Variants in TK2 observed in about 807,000 individuals in gnomAD.
The protein encoded by TK2 is thymidine kinase 2, also known as thymidine kinase 2, mitochondrial.
Under a neutral mutation model 41.9 loss-of-function variants are expected in TK2, and 35 were observed. The observed-to-expected ratio is 0.84, with a 90% CI of 0.64 to 1.11. The LOEUF is 1.11. TK2 is among the 50% of genes least tolerant of loss of function. The pLI is 0.00. For synonymous variants in TK2, 128 were observed against 129.1 expected, an observed-to-expected ratio of 0.99 and a Z score of 0.06; for missense variants, 320 against 351.1, an observed-to-expected ratio of 0.91 and a Z score of 0.71.
chr16:66,516,031 A>G (rs983284228), intron 8 of TK2, among the ~76,000 whole-genome samples: 3 of 152,316 alleles, frequency 2.0e-5, no homozygotes, highest in Admixed American at 6.5e-5. Context: ...CTGAGCAACT[A>G]CTAGGCACCA....
At position 66,550,100 on chromosome 16, in the gene TK2, T is replaced by C. The variant is rs1275845245; in HGVS notation, c.-39A>G. Reference sequence around the variant, plus strand: ...GATCCAGAGGCCCGGGGTTCCTTCTTGTGCGAGTCGGCGCGGACGACTGCT... The same window carrying C: ...GATCCAGAGGCCCGGGGTTCCTTCTCGTGCGAGTCGGCGCGGACGACTGCT... On this transcript the variant is annotated 5_prime_UTR_variant, in exon 1 of 10. Coordinates refer to ENST00000544898, the MANE Select transcript of TK2 (RefSeq NM_004614.5). 3 of 1,608,036 alleles carry C rather than the reference T, an allele frequency of 1.9e-6. No individual in the cohort carries two copies. The Admixed American group carries it at 5.1e-5, about 27-fold the overall frequency.
chr16:66,531,562 T>C (rs1006116331), intron 4 of TK2, 93 bp from the exon 5 acceptor site: 1 of 1,221,492 alleles, frequency 8.2e-7, no homozygotes, highest in Non-Finnish European at 1.2e-6. Flanking sequence ...TCAAGAAACC[T>C]ACACAGGCAG....
chr16:66,549,451 C>G, intron 1 of TK2: 1 of 1,052,046 alleles, frequency 9.5e-7, no homozygotes, highest in Non-Finnish European at 1.1e-6. Flanking sequence ...TCTGAGGCGT[C>G]TCTCAACAGC....
At chr16:66,538,376 C>A (rs1965352614) in intron 3 of TK2, among the ~76,000 whole-genome samples, 1 of 152,132 alleles carries the variant, frequency 6.6e-6, no homozygotes, top group African/African-American at 2.4e-5. Flanking sequence ...CCCTCTCAAA[C>A]CCCCTCTCCT....
chr16:66,535,280 T>C (rs3826161), intron 4 of TK2, among the ~76,000 whole-genome samples: 6,873 of 152,260 alleles, frequency 0.045, 336 homozygotes, highest in South Asian at 0.17. Flanking sequence ...TAGGAAACTC[T>C]CATTGAAAAG....
At chr16:66,521,420 AG>A (rs1181186350) in intron 6 of TK2, among the ~76,000 whole-genome samples, 2 of 152,142 alleles carry the variant, frequency 1.3e-5, no homozygotes, top group African/African-American at 2.4e-5. Context: ...GTGCAGACTG[AG>A]GGGCAGCCTC....
intron 4 of TK2, among the ~76,000 whole-genome samples, chr16:66,536,280 T>C (rs1174330723): frequency 1.3e-5 from 2 of 151,666 alleles, no homozygotes; most frequent in African/African-American, 4.9e-5. Flanking sequence ...AGGCAACTTA[T>C]ATAAGTGCAA....
At chr16:66,550,225 G>T (rs768944943), upstream of TK2, 30 of 1,609,146 alleles carry the variant, frequency 1.9e-5, no homozygotes, top group African/African-American at 3.7e-4. Context: ...GAAGGGAGAG[G>T]TTCGCCGCTG....
chr16:66,513,179 A>C (rs185133422), intron 9 of TK2, among the ~76,000 whole-genome samples: 1 of 152,246 alleles, frequency 6.6e-6, no homozygotes, highest in Admixed American at 6.5e-5. Context: ...AGACACATCA[A>C]TATCAGTCAG....
intron 3 of TK2, among the ~76,000 whole-genome samples, chr16:66,539,667 G>A (rs1247051755): frequency 6.6e-6 from 1 of 151,572 alleles, no homozygotes; most frequent in East Asian, 1.9e-4. Flanking sequence ...AAAAGGGCAG[G>A]TGCAAAGTCT....
chr16:66,549,269 C>T (rs931376706), intron 1 of TK2: 7 of 1,300,670 alleles, frequency 5.4e-6, no homozygotes, highest in Middle Eastern at 2.1e-4. Flanking sequence ...GCATTTTCCA[C>T]GTTATTTATT....
upstream of TK2, chr16:66,550,272 G>A (rs764615136): frequency 6.3e-7 from 1 of 1,590,442 alleles, no homozygotes; most frequent in Admixed American, 1.8e-5. Context: ...GACGCTGGCA[G>A]AACGCACCCA....
chr16:66,540,436 G>C (rs1248343377), intron 3 of TK2, among the ~76,000 whole-genome samples: 1 of 151,984 alleles, frequency 6.6e-6, no homozygotes, highest in African/African-American at 2.4e-5. Context: ...GCCTCCTAAA[G>C]TGCTGGGATT....
At chr16:66,532,059 T>C (rs1371772733) in intron 4 of TK2, among the ~76,000 whole-genome samples, 1 of 146,640 alleles carries the variant, frequency 6.8e-6, no homozygotes, top group East Asian at 2.0e-4. Context: ...AACCTCAGCA[T>C]CATGAAATAT....
At chr16:66,533,402 G>C (rs887093656) in intron 4 of TK2, among the ~76,000 whole-genome samples, 1 of 145,556 alleles carries the variant, frequency 6.9e-6, no homozygotes, top group Non-Finnish European at 1.5e-5. Context: ...AAAGAAAAGA[G>C]AGCCAGGTGC....
intron 6 of TK2, among the ~76,000 whole-genome samples, chr16:66,520,466 A>C (rs1964747661): frequency 6.6e-6 from 1 of 152,206 alleles, no homozygotes; most frequent in South Asian, 2.1e-4. Flanking sequence ...AGCCAAGCTA[A>C]GTCAATCAGT....
intron 1 of TK2, 159 bp downstream of exon 1, chr16:66,549,779 G>C: frequency 7.8e-7 from 1 of 1,283,982 alleles, no homozygotes; most frequent in Non-Finnish European, 9.8e-7. Context: ...TCGCGCCCGG[G>C]TAACGGCCGA....
chr16:66,528,058 G>A (rs1165201154), intron 6 of TK2, among the ~76,000 whole-genome samples: 2 of 152,094 alleles, frequency 1.3e-5, no homozygotes, highest in Non-Finnish European at 2.9e-5. Flanking sequence ...AACCAAAAAC[G>A]AAACAAAGAC....
At chr16:66,543,181 A>G (rs1055604291) in intron 2 of TK2, among the ~76,000 whole-genome samples, 2 of 152,198 alleles carry the variant, frequency 1.3e-5, no homozygotes, top group Non-Finnish European at 2.9e-5. Context: ...GCCAAGCCTC[A>G]GTAACTTTTA....
Sources: allele counts gnomAD v4.1 joint callset (sites outside exome capture counted in the v4.1 genomes callset), GRCh38; gene constraint gnomAD v4.1.1; transcripts MANE v1.5; gene names NCBI Gene and HGNC (gene_info 2026-07-23, HGNC 2026-07-21).